ZNF236: variants seen among roughly 807,000 people sequenced by gnomAD.
The protein encoded by ZNF236 is zinc finger protein 236.
A neutral mutation model predicts 191.2 loss-of-function variants in ZNF236; 50 were observed. The observed-to-expected ratio is 0.26, with a 90% CI of 0.21 to 0.33. The LOEUF is 0.33. Ranked by LOEUF, ZNF236 falls within the 10% of genes least tolerant of loss-of-function variation. The pLI, the probability that ZNF236 is intolerant of heterozygous loss-of-function variation, is 1.00. For missense variants in ZNF236, 1,754 were observed against 2,374.5 expected (o/e 0.74, Z 5.43); for synonymous variants, 907 against 928.8 (o/e 0.98, Z 0.43).
At chr18:76,822,856 C>T (rs866862522) in intron 1 of ZNF236, among the ~76,000 whole-genome samples, 194 bp downstream of exon 1, 1 of 147,194 alleles carries the variant, frequency 6.8e-6, no homozygotes, top group Non-Finnish European at 1.5e-5. Context: ...GGCGAGTCGC[C>T]GCCCGGCCCC....
At position 76,880,249 on chromosome 18, in the gene ZNF236, C is replaced by CG; in HGVS notation, c.1125dup (p.Gln376AlafsTer39). The CG allele has an allele frequency of 1.9e-6, 3 of 1,614,004 alleles. No homozygotes were observed. Among genetic ancestry groups the CG allele is most frequent in the Non-Finnish European group, 2.5e-6 (3 of 1,179,954 alleles). On this transcript the variant is annotated frameshift_variant, in exon 8 of 31. Transcript: ENST00000320610. LOFTEE classifies it high-confidence loss of function. The surrounding 1 kb of genome is among the most constrained non-coding windows in gnomAD (Gnocchi z 5.0). ...CTCTCAGAGCCGGCGCCGGTGGAGT[C>CG]GGGGCAGTCCCCGCAGCCTGGGCAG...
rs2122998571 is a variant in ZNF236, at chr18:76,970,665, G to C, written c.*2326G>C. 6.6e-6 allele frequency: 1 copy of C among 152,602 alleles called. No individual in the cohort carries two copies. The highest frequency in any genetic ancestry group is 2.1e-4 in the South Asian group (1 of 4,824). 9.5% of individuals were successfully genotyped at this position (152,602 alleles called of 1,614,324 possible). A position where few individuals can be genotyped will look rare whatever the true frequency, so the allele number is the denominator to read the frequency against. Reference sequence around the variant, plus strand: ...TTGAGGATAAAGAACTGTATTTTTAGAACTATCTCATCATAGCATATCTGC... The same window carrying C: ...TTGAGGATAAAGAACTGTATTTTTACAACTATCTCATCATAGCATATCTGC... On this transcript the variant is annotated 3_prime_UTR_variant, in exon 31 of 31. Coordinates refer to ENST00000320610, the MANE Select transcript of ZNF236 (RefSeq NM_001306089.2).
At chr18:76,944,920 G>A (rs764669267) in intron 26 of ZNF236, among the ~76,000 whole-genome samples, 2 of 152,092 alleles carry the variant, frequency 1.3e-5, no homozygotes, top group African/African-American at 2.4e-5. Context: ...TTAAAAAATA[G>A]TACAGAGAGA....
Position 76,928,093 on chromosome 18 carries a change from C to T in ZNF236, c.4581C>T (p.Thr1527=), listed in dbSNP as rs2122845827. Residue 1527 remains threonine, a synonymous_variant, in exon 25 of 31, where the codon ACC becomes ACT. Coordinates refer to ENST00000320610, the MANE Select transcript of ZNF236 (RefSeq NM_001306089.2). ...TSSSGSPQEI[T]LTISELNTTS... ...CCTCGGGGTCTCCACAGGAAATTACCCTGACTATCTCCGGTTAGTAAGTTA... is the reference window on the plus strand; with the variant it reads ...CCTCGGGGTCTCCACAGGAAATTACTCTGACTATCTCCGGTTAGTAAGTTA... 6.2e-7 allele frequency: 1 copy of T among 1,609,740 alleles called. No homozygotes were observed. Among genetic ancestry groups the T allele is most frequent in the Admixed American group, 1.7e-5 (1 of 58,972 alleles).
chr18:76,854,074 C>T lies in ZNF236; in HGVS notation c.363+2135C>T, dbSNP rs566884063. Among the ~76,000 whole-genome samples, 16 of 151,808 alleles carry T rather than the reference C, an allele frequency of 1.1e-4. No homozygotes were observed. In the South Asian group the frequency reaches 2.9e-3, roughly 28 times the overall value. ...TGTGAGAGTAGATTTTAAGTGTTCTCTCCATAAGAAATATATATGTGAGAT... is the reference window on the plus strand; with the variant it reads ...TGTGAGAGTAGATTTTAAGTGTTCTTTCCATAAGAAATATATATGTGAGAT... On this transcript the variant is annotated intron_variant, in intron 3 of 30. Coordinates refer to ENST00000320610, the MANE Select transcript of ZNF236 (RefSeq NM_001306089.2).
At chr18:76,911,702 G>A (rs567100821) in intron 16 of ZNF236, among the ~76,000 whole-genome samples, 1 of 151,608 alleles carries the variant, frequency 6.6e-6, no homozygotes, top group Admixed American at 6.5e-5. Context: ...CTCAGTGTGA[G>A]CATGGATCTA....
At position 76,940,862 on chromosome 18, in the gene ZNF236, C is replaced by A. The variant is rs117443554; in HGVS notation, c.4782+3519C>A. Among the ~76,000 whole-genome samples the A allele has an allele frequency of 5.3e-5, 8 of 152,274 alleles. No individual in the cohort carries two copies. In the South Asian group the frequency reaches 1.7e-3, roughly 32 times the overall value. ...ATCCAGGCCGCACAGCAGGGGTGAG[C>A]GTGGGCCAGAGAGCATTACTGCCTG... On this transcript the variant is annotated intron_variant, in intron 26 of 30. Transcript: ENST00000320610.
intron 29 of ZNF236, 31 bp downstream of exon 29, chr18:76,959,847 T>A: frequency 6.2e-7 from 1 of 1,606,768 alleles, no homozygotes; most frequent in Middle Eastern, 1.7e-4. Flanking sequence ...TTTGTTTCCT[T>A]ACTCTTTGAA....
At chr18:76,948,143 A>G (rs1217446173) in intron 27 of ZNF236, among the ~76,000 whole-genome samples, 1 of 152,102 alleles carries the variant, frequency 6.6e-6, no homozygotes, top group Non-Finnish European at 1.5e-5. Flanking sequence ...TGTTTTTGGG[A>G]GCCAAAATAT....
At chr18:76,851,673 A>C (rs1459546549) in intron 2 of ZNF236, 102 bp from the exon 3 acceptor site, 41 of 1,291,376 alleles carry the variant, frequency 3.2e-5, no homozygotes, top group Non-Finnish European at 4.0e-5. Context: ...GTTTCTGTAG[A>C]TTGTCTGTAC....
chr18:76,937,474 G>A, intron 26 of ZNF236, 131 bp downstream of exon 26: 1 of 836,684 alleles, frequency 1.2e-6, no homozygotes, highest in South Asian at 2.8e-5. Context: ...TTTTTTTTCT[G>A]ATTAAAAAAT....
chr18:76,843,845 C>G (rs1975593602), intron 1 of ZNF236, among the ~76,000 whole-genome samples: 1 of 143,500 alleles, frequency 7.0e-6, no homozygotes, highest in South Asian at 2.3e-4. Flanking sequence ...CGCCTGTAAT[C>G]CCAGCACAGG....
Position 76,968,628 on chromosome 18 carries a change from C to G in ZNF236, c.*289C>G, listed in dbSNP as rs1487782999. 8.7e-7 allele frequency: 1 copy of G among 1,146,008 alleles called. No homozygotes were observed. Among genetic ancestry groups the G allele is most frequent in the East Asian group, 6.1e-5 (1 of 16,372 alleles). 71.0% of individuals were successfully genotyped at this position (1,146,008 alleles called of 1,614,324 possible). A position where few individuals can be genotyped will look rare whatever the true frequency, so the allele number is the denominator to read the frequency against. On this transcript the variant is annotated 3_prime_UTR_variant, in exon 31 of 31. Coordinates refer to ENST00000320610, the MANE Select transcript of ZNF236 (RefSeq NM_001306089.2). ...TGGCTAGTGTGTCTAGTTCACGAAG[C>G]AATTAACTGGGTCTTACTATCATTG...
At chr18:76,830,258 A>C (rs1275334157) in intron 1 of ZNF236, among the ~76,000 whole-genome samples, 2 of 152,046 alleles carry the variant, frequency 1.3e-5, no homozygotes, top group African/African-American at 4.8e-5. Flanking sequence ...TTTTTATGAG[A>C]TTTTTCCTGT....
chr18:76,870,061 G>C (rs1976537406), intron 4 of ZNF236, among the ~76,000 whole-genome samples: 1 of 152,216 alleles, frequency 6.6e-6, no homozygotes, highest in Non-Finnish European at 1.5e-5. Context: ...GGAAATATCT[G>C]TACTTCTTAA....
At position 76,910,189 on chromosome 18, in the gene ZNF236, T is replaced by A; in HGVS notation, c.2653+20T>A. 1 of 1,596,296 alleles carries A rather than the reference T, an allele frequency of 6.3e-7. No individual in the cohort carries two copies. The highest frequency in any genetic ancestry group is 8.6e-7 in the Non-Finnish European group (1 of 1,165,404). ...CCCAAGGTCAGTGGTGGGTTTTCAATGAAATTTGTAAGTGAGCTATACTTC... is the reference window on the plus strand; with the variant it reads ...CCCAAGGTCAGTGGTGGGTTTTCAAAGAAATTTGTAAGTGAGCTATACTTC... On this transcript the variant is annotated intron_variant, in intron 15 of 30. Transcript: ENST00000320610.
intron 26 of ZNF236, among the ~76,000 whole-genome samples, chr18:76,940,999 A>G (rs560720431): frequency 6.6e-6 from 1 of 152,334 alleles, no homozygotes; most frequent in South Asian, 2.1e-4. Context: ...ATGAGAATCT[A>G]GCTAATGCCT....
At position 76,960,908 on chromosome 18, in the gene ZNF236, C is replaced by T; in HGVS notation, c.5419+53C>T. ...GCTGTTCGGTGGCCTGCGAGGCACC[C>T]TGTGTTTCGCATACATTGTTTCCTT... On this transcript the variant is annotated intron_variant, in intron 30 of 30. Coordinates refer to ENST00000320610, the MANE Select transcript of ZNF236 (RefSeq NM_001306089.2). The surrounding 1 kb of genome is among the most constrained non-coding windows in gnomAD (Gnocchi z 4.4). 8 of 1,528,670 alleles carry T rather than the reference C, an allele frequency of 5.2e-6. No homozygotes were observed. The highest frequency in any genetic ancestry group is 6.2e-6 in the Non-Finnish European group (7 of 1,132,644). 94.7% of individuals were successfully genotyped at this position (1,528,670 alleles called of 1,614,324 possible). A position where few individuals can be genotyped will look rare whatever the true frequency, so the allele number is the denominator to read the frequency against.
intron 17 of ZNF236, among the ~76,000 whole-genome samples, chr18:76,912,972 C>T (rs529419385): frequency 7.2e-5 from 11 of 152,324 alleles, no homozygotes; most frequent in African/African-American, 2.2e-4. Context: ...AGTGAATTTT[C>T]AAAATGTATT....
Sources: gnomAD v4.1 joint callset for allele counts (sites outside exome capture counted in the v4.1 genomes callset) on GRCh38, gnomAD v4.1.1 for gene constraint, Gnocchi (gnomAD v3.1) non-coding constraint, MANE v1.5 for transcripts, NCBI Gene and HGNC (gene_info 2026-07-23, HGNC 2026-07-21) for gene names.